IQGAP2: variants seen among roughly 807,000 people sequenced by gnomAD.
IQGAP2 encodes ras GTPase-activating-like protein IQGAP2.
A neutral mutation model predicts 201.3 loss-of-function variants in IQGAP2; 173 were observed. The observed-to-expected ratio is 0.86, with a 90% CI of 0.76 to 0.98. The LOEUF (loss-of-function observed/expected upper bound fraction) is 0.98. Ranked by LOEUF, IQGAP2 falls within the 50% of genes least tolerant of loss-of-function variation. The pLI is 0.00. For synonymous variants in IQGAP2, 675 were observed against 673.9 expected, an observed-to-expected ratio of 1.00 and a Z score of -0.03; for missense variants, 1,687 against 1,864.8, an observed-to-expected ratio of 0.90 and a Z score of 1.76.
At chr5:76,470,450 C>G (rs879597657) in intron 2 of IQGAP2, among the ~76,000 whole-genome samples, 1 of 152,042 alleles carries the variant, frequency 6.6e-6, no homozygotes, top group Non-Finnish European at 1.5e-5. Context: ...GAAATGGACC[C>G]CAGAAAGGGA....
rs560018153 is a variant in IQGAP2 at position 76,555,969 on chromosome 5, A to G, written c.147-6427A>G. Among the ~76,000 whole-genome samples the G allele has an allele frequency of 1.2e-4, 18 of 152,300 alleles. No individual in the cohort carries two copies. In the South Asian group the frequency reaches 3.7e-3, roughly 32 times the overall value. On this transcript the variant is annotated intron_variant, in intron 2 of 35. Coordinates refer to ENST00000274364, the MANE Select transcript of IQGAP2 (RefSeq NM_006633.5). ...GCTACGAATGCAGACTCTGGTATTG[A>G]AGGAGCTACATTGTCTGGGGTATAT... is the stretch of plus-strand genomic sequence containing the variant.
intron 2 of IQGAP2, among the ~76,000 whole-genome samples, chr5:76,555,609 G>A (rs887884591): frequency 3.3e-5 from 5 of 152,170 alleles, no homozygotes; most frequent in East Asian, 1.9e-4. Flanking sequence ...CCCTGAAACC[G>A]AGGCTGGCAA....
chr5:76,637,299 A>G (rs1376899103), intron 16 of IQGAP2, 123 bp downstream of exon 16: 3 of 765,306 alleles, frequency 3.9e-6, no homozygotes, highest in Non-Finnish European at 4.0e-6. Flanking sequence ...TGGATATGTA[A>G]TAAAGTCTTC....
chr5:76,636,250 T>C (rs1751118344), intron 15 of IQGAP2, among the ~76,000 whole-genome samples: 1 of 152,228 alleles, frequency 6.6e-6, no homozygotes, highest in African/African-American at 2.4e-5. Flanking sequence ...GTTTTTCTGT[T>C]GTTTTTAGCT....
chr5:76,550,883 G>A (rs575989634), intron 2 of IQGAP2, among the ~76,000 whole-genome samples: 2 of 152,336 alleles, frequency 1.3e-5, no homozygotes, highest in South Asian at 4.1e-4. Context: ...TCCTAGACGG[G>A]GTGGCGGCCG....
chr5:76,637,348 T>C (rs1156735205), intron 16 of IQGAP2, among the ~76,000 whole-genome samples, 172 bp downstream of exon 16: 1 of 152,208 alleles, frequency 6.6e-6, no homozygotes, highest in Non-Finnish European at 1.5e-5. Context: ...GTTACTAATG[T>C]ACAGAATTTT....
intron 1 of IQGAP2, among the ~76,000 whole-genome samples, chr5:76,448,077 C>A (rs562196236): frequency 1.2e-4 from 19 of 152,272 alleles, no homozygotes; most frequent in Admixed American, 1.1e-3. Flanking sequence ...TGGTTTGCAT[C>A]TCCTAAGGGT....
intron 2 of IQGAP2, among the ~76,000 whole-genome samples, chr5:76,486,663 T>C (rs1456044982): frequency 6.6e-6 from 1 of 152,138 alleles, no homozygotes; most frequent in African/African-American, 2.4e-5. Context: ...AGGATTTCTT[T>C]AATAAAATGA....
At chr5:76,598,801 G>A (rs577298316) in intron 10 of IQGAP2, among the ~76,000 whole-genome samples, 1 of 152,236 alleles carries the variant, frequency 6.6e-6, no homozygotes, top group African/African-American at 2.4e-5. Flanking sequence ...ATTAATAACA[G>A]ATTGCCTATA....
At chr5:76,535,792 T>C (rs755411546) in intron 2 of IQGAP2, among the ~76,000 whole-genome samples, 1 of 152,198 alleles carries the variant, frequency 6.6e-6, no homozygotes, top group Non-Finnish European at 1.5e-5. Context: ...GCGCCCAGAG[T>C]AACCTGTTCT....
chr5:76,404,633 G>GA, intron 1 of IQGAP2: 1 of 257,688 alleles, frequency 3.9e-6, no homozygotes, highest in Non-Finnish European at 6.1e-6. Context: ...TTGCTTAACT[G>GA]AAAAAGGGCT....
chr5:76,595,221 C>G (rs1746929754), intron 9 of IQGAP2, among the ~76,000 whole-genome samples: 1 of 135,128 alleles, frequency 7.4e-6, no homozygotes, highest in Admixed American at 7.6e-5. Context: ...AAGATCAGAG[C>G]TGGACATTTT....
intron 28 of IQGAP2, 105 bp downstream of exon 28, chr5:76,677,455 T>A: frequency 1.0e-6 from 1 of 988,252 alleles, no homozygotes; most frequent in South Asian, 2.0e-5. Context: ...CATGTGCTAA[T>A]ACTCATATTC....
intron 32 of IQGAP2, among the ~76,000 whole-genome samples, chr5:76,695,911 ACT>A (rs1399667291): frequency 1.6e-5 from 2 of 126,978 alleles, no homozygotes; most frequent in Non-Finnish European, 3.1e-5. Flanking sequence ...CACAATCTCG[ACT>A]CTCTGCAACT....
chr5:76,503,320 C>T (rs1490841814), intron 2 of IQGAP2, among the ~76,000 whole-genome samples: 1 of 150,540 alleles, frequency 6.6e-6, no homozygotes, highest in Non-Finnish European at 1.5e-5. Context: ...ATTACAGGTG[C>T]CTGCCATCAC....
Position 76,403,411 on chromosome 5 carries a change from A to G in IQGAP2, c.-135A>G. ...AGAGAGCACCGAGGGAGTGGGTCGC[A>G]GATCTTCGGGCGGCTAGGGGAAATC... On this transcript the variant is annotated 5_prime_UTR_variant, in exon 1 of 36. Transcript: ENST00000274364. This position sits in a 1 kb window ranked among gnomAD's most constrained non-coding sequence, Gnocchi z 4.8. The G allele has an allele frequency of 1.7e-6, 1 of 579,434 alleles. No homozygotes were observed. The allele number at this position is 579,434 out of a possible 1,614,324, so 35.9% of individuals were successfully genotyped here.
intron 2 of IQGAP2, among the ~76,000 whole-genome samples, chr5:76,487,037 A>G (rs1200876248): frequency 6.6e-6 from 1 of 151,936 alleles, no homozygotes; most frequent in African/African-American, 2.4e-5. Flanking sequence ...TTAATGTAAT[A>G]TATAATAGTG....
chr5:76,628,305 T>C (rs999508413), intron 14 of IQGAP2, among the ~76,000 whole-genome samples: 1 of 152,194 alleles, frequency 6.6e-6, no homozygotes, highest in Non-Finnish European at 1.5e-5. Flanking sequence ...CACCAGTCAA[T>C]GTAGGGGTTT....
chr5:76,652,852 C>T lies in IQGAP2; in HGVS notation c.2178+19C>T, dbSNP rs1214347170. 1.4e-6 allele frequency: 2 copies of T among 1,479,798 alleles called. No homozygotes were observed. The highest frequency in any genetic ancestry group is 1.9e-6 in the Non-Finnish European group (2 of 1,057,454). The allele number at this position is 1,479,798 out of a possible 1,614,324, so 91.7% of individuals were successfully genotyped here. ...TGTGAAGGTAAATACCCTTTCCTAC[C>T]ATACCAAGTGCTTGGCTTAAACGTT... On this transcript the variant is annotated intron_variant, in intron 18 of 35. Coordinates refer to ENST00000274364, the MANE Select transcript of IQGAP2 (RefSeq NM_006633.5).
Sources: gnomAD v4.1 joint callset for allele counts (sites outside exome capture counted in the v4.1 genomes callset) on GRCh38, gnomAD v4.1.1 for gene constraint, Gnocchi (gnomAD v3.1) non-coding constraint, MANE v1.5 for transcripts, NCBI Gene and HGNC (gene_info 2026-07-23, HGNC 2026-07-21) for gene names.